Variants in MRRF observed in about 807,000 individuals in gnomAD.
MRRF encodes the protein mitochondrial ribosome recycling factor, also known as ribosome-recycling factor, mitochondrial.
Under a neutral mutation model 25.1 loss-of-function variants are expected in MRRF, and 18 were observed. The observed-to-expected ratio is 0.72, with a 90% CI of 0.50 to 1.06. The LOEUF (loss-of-function observed/expected upper bound fraction) is 1.06. MRRF is among the 50% of genes least tolerant of loss of function. MRRF has a pLI of 0.00. For missense variants in MRRF, 323 were observed against 319.3 expected, an observed-to-expected ratio of 1.01 and a Z score of -0.09; for synonymous variants, 113 against 112.1, an observed-to-expected ratio of 1.01 and a Z score of -0.05.
Position 122,285,281 on chromosome 9 carries a change from C to A in MRRF, c.453C>A (p.Phe151Leu), listed in dbSNP as rs774785671. The change falls in exon 4 of 7, where the codon TTC becomes TTA. Residue 151 changes from phenylalanine (F) to leucine (L), a missense_variant. Phe to Leu is a conservative substitution (Grantham distance 22, BLOSUM62 0). Coordinates refer to ENST00000344641, the MANE Select transcript of MRRF (RefSeq NM_138777.5). Reference protein sequence around the residue: ...PQLILVNMASFPECTAAAIKA... With the variant: ...PQLILVNMASLPECTAAAIKA... ...TGATTTTGGTGAATATGGCCAGCTT[C>A]CCAGAGGTAAGATGGCCTTGCTAAA... The A allele has an allele frequency of 1.9e-6, 3 of 1,595,696 alleles. No homozygotes were observed. The Admixed American group carries it at 5.0e-5, about 27-fold the overall frequency.
chr9:122,276,145 C>G (rs1459461345), intron 2 of MRRF, among the ~76,000 whole-genome samples: 4 of 152,084 alleles, frequency 2.6e-5, no homozygotes, highest in Middle Eastern at 3.4e-3. Flanking sequence ...AACTTTTGAC[C>G]TTGGGTGATC....
intron 5 of MRRF, among the ~76,000 whole-genome samples, chr9:122,294,109 C>G (rs1833941638): frequency 6.6e-6 from 1 of 152,192 alleles, no homozygotes; most frequent in Non-Finnish European, 1.5e-5. Flanking sequence ...CTTGGACAGT[C>G]ACTTAACCTC....
intron 5 of MRRF, among the ~76,000 whole-genome samples, chr9:122,305,825 T>A (rs1258217808): frequency 6.6e-6 from 1 of 152,236 alleles, no homozygotes; most frequent in Non-Finnish European, 1.5e-5. Context: ...AAGAGCTTTG[T>A]CAGTTTTGTT....
chr9:122,293,263 C>A (rs1224402595), intron 5 of MRRF, among the ~76,000 whole-genome samples: 1 of 152,182 alleles, frequency 6.6e-6, no homozygotes, highest in Non-Finnish European at 1.5e-5. Context: ...TCTTTTAGTG[C>A]CACACATTAT....
chr9:122,308,491 G>C (rs1564507338), intron 5 of MRRF, among the ~76,000 whole-genome samples: 1 of 150,872 alleles, frequency 6.6e-6, no homozygotes. Context: ...TTAAGATCAG[G>C]AGTTCGTGAC....
intron 4 of MRRF, among the ~76,000 whole-genome samples, chr9:122,289,104 A>G (rs987243769): frequency 6.6e-6 from 1 of 152,218 alleles, no homozygotes; most frequent in African/African-American, 2.4e-5. Flanking sequence ...TCTGTGTCCT[A>G]CCATGTCAAA....
chr9:122,290,538 T>C (rs1383410545), intron 4 of MRRF, among the ~76,000 whole-genome samples: 1 of 152,136 alleles, frequency 6.6e-6, no homozygotes, highest in Non-Finnish European at 1.5e-5. Flanking sequence ...TATTTAAAAA[T>C]GAAATGAATG....
intron 2 of MRRF, among the ~76,000 whole-genome samples, chr9:122,275,732 T>A (rs1832732361): frequency 6.6e-6 from 1 of 152,164 alleles, no homozygotes; most frequent in Non-Finnish European, 1.5e-5. Flanking sequence ...TAGTGTAATG[T>A]CCTCCGGGTT....
At position 122,318,854 on chromosome 9, in the gene MRRF, G is replaced by T. The variant is rs1018750129; in HGVS notation, c.712-3686G>T. ...CTGTTTCTTCATCCATAAAGTGGGAGCACAGGATTGATATGAGGACCAAAT... is the reference window on the plus strand; with the variant it reads ...CTGTTTCTTCATCCATAAAGTGGGATCACAGGATTGATATGAGGACCAAAT... On this transcript the variant is annotated intron_variant, in intron 6 of 6. Transcript: ENST00000344641. 6.6e-5 allele frequency among the ~76,000 whole-genome samples: 10 copies of T among 152,316 alleles called. No individual in the cohort carries two copies. The East Asian group carries it at 7.7e-4, about 12-fold the overall frequency.
rs1835969340 is a variant in MRRF, at chr9:122,322,815, G to A, written c.*198G>A. On this transcript the variant is annotated 3_prime_UTR_variant, in exon 7 of 7. Coordinates refer to ENST00000344641, the MANE Select transcript of MRRF (RefSeq NM_138777.5). ...CTTCCTGCTTCTGCTCTGGGCCGGTGGGTGGCTCTCAGAAAATACTTGCTG... is the reference window on the plus strand; with the variant it reads ...CTTCCTGCTTCTGCTCTGGGCCGGTAGGTGGCTCTCAGAAAATACTTGCTG... The A allele has an allele frequency of 3.1e-6, 2 of 640,630 alleles. No homozygotes were observed. Among genetic ancestry groups the A allele is most frequent in the South Asian group, 1.8e-5 (1 of 56,140 alleles). The allele number at this position is 640,630 out of a possible 1,614,324, so 39.7% of individuals were successfully genotyped here.
chr9:122,303,623 T>C (rs1240681052), intron 5 of MRRF, among the ~76,000 whole-genome samples: 1 of 152,158 alleles, frequency 6.6e-6, no homozygotes, highest in Non-Finnish European at 1.5e-5. Context: ...CAAGCAATCC[T>C]CACCTCAGCT....
At chr9:122,285,074 C>T (rs1410550285) in intron 3 of MRRF, 95 bp from the exon 4 acceptor site, 1 of 787,666 alleles carries the variant, frequency 1.3e-6, no homozygotes, top group Non-Finnish European at 2.2e-6. Context: ...CAGGCATGAG[C>T]CACTGCATCC....
intron 4 of MRRF, among the ~76,000 whole-genome samples, chr9:122,287,858 T>C (rs1182134802): frequency 1.3e-5 from 2 of 152,192 alleles, no homozygotes; most frequent in Non-Finnish European, 2.9e-5. Flanking sequence ...GTCTGTTGTA[T>C]ATATTAAACA....
chr9:122,321,868 A>G (rs527440125), intron 6 of MRRF, among the ~76,000 whole-genome samples: 3 of 152,296 alleles, frequency 2.0e-5, no homozygotes, highest in African/African-American at 7.2e-5. Context: ...GGAACAGATA[A>G]GACTAGCTTC....
At chr9:122,289,872 A>G (rs1833646916) in intron 4 of MRRF, among the ~76,000 whole-genome samples, 1 of 151,832 alleles carries the variant, frequency 6.6e-6, no homozygotes, top group Non-Finnish European at 1.5e-5. Flanking sequence ...TATAAAAAAT[A>G]CAAAAATTAG....
intron 5 of MRRF, among the ~76,000 whole-genome samples, chr9:122,303,865 G>A (rs1012975599): frequency 2.0e-5 from 3 of 152,262 alleles, no homozygotes; most frequent in East Asian, 1.9e-4. Context: ...TTGGGCTGCC[G>A]ACGTGAAACC....
Position 122,280,509 on chromosome 9 carries a change from A to T in MRRF, c.251A>T (p.Asn84Ile). 1 of 1,614,082 alleles carries T rather than the reference A, an allele frequency of 6.2e-7. No individual in the cohort carries two copies. The highest frequency in any genetic ancestry group is 1.3e-5 in the African/African-American group (1 of 75,056). Residue 84 changes from asparagine (N) to isoleucine (I), a missense_variant, in exon 3 of 7, where the codon AAC (asparagine) becomes ATC (isoleucine). Asn to Ile is a moderately radical substitution (Grantham distance 149). Transcript: ENST00000344641. ...INAALVEDII[N>I]LEEVNEEMKS... ...GCTGCCTTGGTTGAGGATATAATCA[A>T]CTTGGAAGAGGTGAATGAAGAAATG...
chr9:122,265,901 T>C (rs1393388406), intron 1 of MRRF: 1 of 476,914 alleles, frequency 2.1e-6, no homozygotes, highest in Non-Finnish European at 3.9e-6. Flanking sequence ...TATAGTCAGA[T>C]ACTACAAGTA....
rs1836002886 is a variant in MRRF at position 122,323,376 on chromosome 9, A to G, written c.*759A>G. On this transcript the variant is annotated 3_prime_UTR_variant, in exon 7 of 7. Transcript: ENST00000344641. The stretch of plus-strand genomic sequence containing the variant: ...CTTGTTGCACTTAATTAGCCTGTAT[A>G]TCCTCAGAACTTTGTGTAATGCCTG... 1.3e-5 allele frequency: 2 copies of G among 152,720 alleles called. No individual in the cohort carries two copies. Among genetic ancestry groups the G allele is most frequent in the South Asian group, 4.1e-4 (2 of 4,856 alleles). The allele number at this position is 152,720 out of a possible 1,614,324, so 9.5% of individuals were successfully genotyped here.
Sources: allele counts gnomAD v4.1 joint callset (sites outside exome capture counted in the v4.1 genomes callset), GRCh38; gene constraint gnomAD v4.1.1; transcripts MANE v1.5; gene names NCBI Gene and HGNC (gene_info 2026-07-23, HGNC 2026-07-21).